Variants in PTPRN2 observed in about 807,000 individuals in gnomAD.
PTPRN2 encodes receptor-type tyrosine-protein phosphatase N2.
In PTPRN2, 74 loss-of-function variants were observed where a neutral mutation model predicts 118.8. That is an observed-to-expected ratio of 0.62 (90% confidence interval 0.52 to 0.76). The LOEUF is 0.76. PTPRN2 is among the 30% of genes least tolerant of loss of function. PTPRN2 has a pLI of 0.00. For synonymous variants in PTPRN2, 641 were observed against 608.0 expected, an observed-to-expected ratio of 1.05 and a Z score of -0.80; for missense variants, 1,481 against 1,394.4, an observed-to-expected ratio of 1.06 and a Z score of -0.99.
At chr7:158,547,765 C>T (rs530156506) in intron 1 of PTPRN2, among the ~76,000 whole-genome samples, 1 of 152,336 alleles carries the variant, frequency 6.6e-6, no homozygotes, top group South Asian at 2.1e-4. Flanking sequence ...CAGCCCCCCA[C>T]CGTACCCCCT....
At chr7:157,541,847 C>T (rs903520440) in intron 22 of PTPRN2, among the ~76,000 whole-genome samples, 16 of 152,328 alleles carry the variant, frequency 1.1e-4, no homozygotes, top group African/African-American at 1.9e-4. Context: ...GTCAAAATAA[C>T]GTGATGCTCA....
chr7:157,935,923 T>C (rs1185386662), intron 11 of PTPRN2, among the ~76,000 whole-genome samples: 1 of 144,750 alleles, frequency 6.9e-6, no homozygotes, highest in Admixed American at 6.9e-5. Flanking sequence ...GGTCTAGCCA[T>C]CCTCAGCATC....
intron 5 of PTPRN2, among the ~76,000 whole-genome samples, chr7:158,175,564 G>T (rs996356979): frequency 2.0e-5 from 3 of 152,166 alleles, no homozygotes; most frequent in African/African-American, 7.2e-5. Context: ...GTGTGGAGGG[G>T]AAATAATTGT....
rs1038003848 is a variant in PTPRN2, at chr7:157,831,249, C to T, written c.1788+67424G>A. 7.2e-5 allele frequency among the ~76,000 whole-genome samples: 11 copies of T among 152,170 alleles called. No homozygotes were observed. Among genetic ancestry groups the T allele is most frequent in the Admixed American group, 5.2e-4 (8 of 15,280 alleles). Reference sequence around the variant, plus strand: ...GTGCAGGGAAGTCCAGAGACAGAAGCCCCCATGGTGCAGGCCTGTCCCAGC... The same window carrying T: ...GTGCAGGGAAGTCCAGAGACAGAAGTCCCCATGGTGCAGGCCTGTCCCAGC... On this transcript the variant is annotated intron_variant, in intron 12 of 22. Transcript: ENST00000389418. This position sits in a 1 kb window ranked among gnomAD's most constrained non-coding sequence, Gnocchi z 4.8.
chr7:158,146,897 G>T (rs747768704), intron 6 of PTPRN2, among the ~76,000 whole-genome samples: 3 of 152,008 alleles, frequency 2.0e-5, no homozygotes, highest in Admixed American at 2.0e-4. Context: ...ACACCATTAA[G>T]ATCCTGTGAA....
intron 3 of PTPRN2, among the ~76,000 whole-genome samples, chr7:158,248,540 C>T (rs1417900441): frequency 6.6e-6 from 1 of 152,144 alleles, no homozygotes; most frequent in African/African-American, 2.4e-5. Context: ...ACACCCCATG[C>T]ACACATATCA....
chr7:158,001,997 G>T (rs1009483563), intron 11 of PTPRN2, among the ~76,000 whole-genome samples: 1 of 152,200 alleles, frequency 6.6e-6, no homozygotes, highest in Non-Finnish European at 1.5e-5. Flanking sequence ...CAGTGGAGAC[G>T]ATGGCCGCCA....
chr7:158,288,857 G>A (rs1468191954), intron 3 of PTPRN2, among the ~76,000 whole-genome samples: 1 of 152,182 alleles, frequency 6.6e-6, no homozygotes, highest in Non-Finnish European at 1.5e-5. Flanking sequence ...TTGTAGGACA[G>A]CTCTGGTGGT....
chr7:158,145,887 C>T (rs545256429), intron 6 of PTPRN2, among the ~76,000 whole-genome samples: 8 of 152,320 alleles, frequency 5.3e-5, no homozygotes, highest in African/African-American at 7.2e-5. Flanking sequence ...TTGGCCCCAG[C>T]GCTCATGGTC....
At chr7:157,664,271 C>T (rs946332799) in intron 13 of PTPRN2, among the ~76,000 whole-genome samples, 4 of 152,252 alleles carry the variant, frequency 2.6e-5, no homozygotes, top group South Asian at 2.1e-4. Context: ...TCTTTAAAAC[C>T]TCAGTTGAAG....
chr7:158,317,048 G>C lies in PTPRN2; in HGVS notation c.164-116C>G, dbSNP rs568155445. On this transcript the variant is annotated intron_variant, in intron 2 of 22. Coordinates refer to ENST00000389418, the MANE Select transcript of PTPRN2 (RefSeq NM_002847.5). ...TCATGTGCCGCCGTGAGGTTTTGGA[G>C]CACGGCGTCACCAGAGGGCTGTTAG... The C allele has an allele frequency of 3.0e-5, 22 of 732,404 alleles. No individual in the cohort carries two copies. The South Asian group carries it at 3.2e-4, about 11-fold the overall frequency. 45.4% of individuals were successfully genotyped at this position (732,404 alleles called of 1,614,324 possible). A position where few individuals can be genotyped will look rare whatever the true frequency, so the allele number is the denominator to read the frequency against.
intron 3 of PTPRN2, among the ~76,000 whole-genome samples, chr7:158,210,204 C>T (rs1029132523): frequency 4.2e-5 from 6 of 143,284 alleles, no homozygotes; most frequent in Non-Finnish European, 7.4e-5. Flanking sequence ...GGCGCGATCT[C>T]GGCTCACTGC....
chr7:158,581,769 G>A (rs1485746548), intron 1 of PTPRN2, among the ~76,000 whole-genome samples: 1 of 152,160 alleles, frequency 6.6e-6, no homozygotes, highest in African/African-American at 2.4e-5. Flanking sequence ...TTAACACTGA[G>A]TAACTGTCAC....
At chr7:158,409,421 A>C (rs1813852241) in intron 2 of PTPRN2, among the ~76,000 whole-genome samples, 1 of 152,220 alleles carries the variant, frequency 6.6e-6, no homozygotes, top group Admixed American at 6.5e-5. Context: ...CTACCCAGGC[A>C]TGAGCGTGGA....
chr7:157,709,752 A>C (rs575971308), intron 12 of PTPRN2, among the ~76,000 whole-genome samples: 1 of 152,222 alleles, frequency 6.6e-6, no homozygotes, highest in African/African-American at 2.4e-5. Flanking sequence ...GAAGTCCCAG[A>C]GCACTCAGCC....
intron 12 of PTPRN2, among the ~76,000 whole-genome samples, chr7:157,738,695 T>C (rs1459203920): frequency 2.6e-5 from 4 of 152,244 alleles, no homozygotes; most frequent in African/African-American, 2.4e-5. Flanking sequence ...TCTGTGCTGT[T>C]GTTTCTGGAT....
intron 11 of PTPRN2, among the ~76,000 whole-genome samples, chr7:157,915,186 A>G (rs551176111): frequency 2.6e-5 from 4 of 152,222 alleles, no homozygotes; most frequent in African/African-American, 7.2e-5. Context: ...ATGTTTTAAA[A>G]TTTTTTATTG....
intron 10 of PTPRN2, among the ~76,000 whole-genome samples, chr7:158,088,032 A>T (rs1585395753): frequency 4.1e-5 from 4 of 96,482 alleles, no homozygotes; most frequent in Admixed American, 1.1e-4. Flanking sequence ...CTTCACACAA[A>T]CCTTCTTCCC....
At position 158,151,514 on chromosome 7, in the gene PTPRN2, T is replaced by TGCCTCTCCCTGC. The variant is rs1563522262; in HGVS notation, c.911-13000_911-12999insGCAGGGAGAGGC. Reference sequence around the variant, plus strand: ...CCCACACCGCCCGCCTTTCTGCTCCTCACCGCACGTCCTACTCCAGGCGAT... The same window carrying TGCCTCTCCCTGC: ...CCCACACCGCCCGCCTTTCTGCTCCTGCCTCTCCCTGCCACCGCACGTCCTACTCCAGGCGAT... On this transcript the variant is annotated intron_variant, in intron 6 of 22. Coordinates refer to ENST00000389418, the MANE Select transcript of PTPRN2 (RefSeq NM_002847.5). Among the ~76,000 whole-genome samples the TGCCTCTCCCTGC allele has an allele frequency of 4.9e-4, 72 of 146,188 alleles. 3 individuals carry two copies. Among genetic ancestry groups the TGCCTCTCCCTGC allele is most frequent in the East Asian group, 1.0e-3 (5 of 4,924 alleles).
Sources: allele counts gnomAD v4.1 joint callset (sites outside exome capture counted in the v4.1 genomes callset), GRCh38; gene constraint gnomAD v4.1.1; non-coding constraint Gnocchi (gnomAD v3.1); transcripts MANE v1.5; gene names NCBI Gene and HGNC (gene_info 2026-07-23, HGNC 2026-07-21).